The following BBS4 variants were observed in gnomAD, a reference collection of about 807,000 sequenced individuals.
The protein encoded by BBS4 is BBSome complex member BBS4.
In BBS4, 58 loss-of-function variants were observed where a neutral mutation model predicts 71.4. The ratio of observed to expected loss-of-function variants is 0.81; its 90% CI spans 0.66 to 1.01. BBS4 has a LOEUF of 1.01. Ranked by LOEUF, BBS4 falls within the 50% of genes least tolerant of loss-of-function variation. BBS4 has a pLI of 0.00. For synonymous variants in BBS4, 228 were observed against 216.8 expected, an observed-to-expected ratio of 1.05 and a Z score of -0.46; for missense variants, 660 against 607.9, an observed-to-expected ratio of 1.09 and a Z score of -0.90.
At chr15:72,735,353 C>T in intron 13 of BBS4, 171 bp downstream of exon 13, 1 of 661,660 alleles carries the variant, frequency 1.5e-6, no homozygotes, top group Non-Finnish European at 2.8e-6. Context: ...TGTGGTGGCT[C>T]AGCAGGAATT....
At chr15:72,715,431 G>T (rs1567415361) in intron 5 of BBS4, 29 bp downstream of exon 5, 1 of 1,476,784 alleles carries the variant, frequency 6.8e-7, no homozygotes. Context: ...GAGGCCCTAG[G>T]GCACTCACAG....
chr15:72,722,745 T>TA lies in BBS4; in HGVS notation c.406-48dup, dbSNP rs777754926. On this transcript the variant is annotated intron_variant, in intron 6 of 15. Coordinates refer to ENST00000268057, the MANE Select transcript of BBS4 (RefSeq NM_033028.5). ...ATGTCTGTTGTTTCACTCTAATACT[T>TA]ACTGTGGAATTACACCTGAGTTGTT... 2.0e-6 allele frequency: 3 copies of TA among 1,535,976 alleles called. No homozygotes were observed. The African/African-American group carries it at 4.1e-5, about 21-fold the overall frequency.
intron 3 of BBS4, among the ~76,000 whole-genome samples, chr15:72,710,789 GTTTT>G (rs778363835): frequency 2.7e-5 from 4 of 146,600 alleles, no homozygotes; most frequent in African/African-American, 1.0e-4. Context: ...ATTCATACCA[GTTTT>G]TTTTTTTCTT....
intron 2 of BBS4, among the ~76,000 whole-genome samples, chr15:72,703,103 G>A (rs1567405504): frequency 2.0e-5 from 3 of 152,172 alleles, no homozygotes; most frequent in South Asian, 2.1e-4. Context: ...GAGCCATCGC[G>A]CCCGGCCGAG....
chr15:72,729,798 T>C (rs2065776619), intron 10 of BBS4, 114 bp downstream of exon 10: 2 of 843,272 alleles, frequency 2.4e-6, no homozygotes, highest in Non-Finnish European at 2.0e-6. Flanking sequence ...ACCTGAGAAA[T>C]AGAAAAAATA....
intron 13 of BBS4, 94 bp downstream of exon 13, chr15:72,735,276 C>A: frequency 1.1e-6 from 1 of 935,068 alleles, no homozygotes; most frequent in Non-Finnish European, 1.7e-6. Flanking sequence ...CCTGTGTCAG[C>A]CCAGCTGTTC....
intron 2 of BBS4, among the ~76,000 whole-genome samples, chr15:72,706,560 G>A (rs2065267949): frequency 2.0e-5 from 3 of 152,120 alleles, no homozygotes; most frequent in Admixed American, 2.0e-4. Flanking sequence ...GGATGTGAAT[G>A]GCTAAGGTCT....
chr15:72,710,824 C>G (rs2065355690), intron 3 of BBS4, among the ~76,000 whole-genome samples: 1 of 151,044 alleles, frequency 6.6e-6, no homozygotes, highest in Non-Finnish European at 1.5e-5. Context: ...GAGTTTTGCT[C>G]TTATTGCCCA....
At chr15:72,724,050 A>AAT (rs1478075860) in intron 7 of BBS4, among the ~76,000 whole-genome samples, 1 of 152,230 alleles carries the variant, frequency 6.6e-6, no homozygotes, top group Non-Finnish European at 1.5e-5. Context: ...TATAAACTCA[A>AAT]ATATATTTAG....
At position 72,731,304 on chromosome 15, in the gene BBS4, G is replaced by A. The variant is rs377031435; in HGVS notation, c.712-1G>A. ...TGACTTTCTCTGTGCCATGTTTTCA[G>A]GCCATCTTGGCAGCAGGCAGCATGA... is the stretch of plus-strand genomic sequence containing the variant. On this transcript the variant is annotated splice_acceptor_variant, in intron 10 of 15. Transcript: ENST00000268057. LOFTEE classifies it high-confidence loss of function. The A allele has an allele frequency of 5.1e-5, 82 of 1,613,850 alleles. No individual in the cohort carries two copies. The highest frequency in any genetic ancestry group is 6.7e-5 in the Non-Finnish European group (79 of 1,179,988).
intron 6 of BBS4, among the ~76,000 whole-genome samples, chr15:72,719,192 C>G (rs559149401): frequency 3.6e-4 from 55 of 151,692 alleles, no homozygotes; most frequent in African/African-American, 1.1e-3. Context: ...ACCATACAGG[C>G]CAGGGAGGAG....
rs1310515137 is a variant in BBS4, at chr15:72,737,831, C to G, written c.*244C>G. ...AAAGAGAACACAGTTCCTTTAAGAACTGGCAGCAAGGCTTGAGGCCTTATG... is the reference window on the plus strand; with the variant it reads ...AAAGAGAACACAGTTCCTTTAAGAAGTGGCAGCAAGGCTTGAGGCCTTATG... On this transcript the variant is annotated 3_prime_UTR_variant, in exon 16 of 16. Transcript: ENST00000268057. The G allele has an allele frequency of 1.9e-6, 1 of 525,898 alleles. No homozygotes were observed. Among genetic ancestry groups the G allele is most frequent in the Non-Finnish European group, 3.7e-6 (1 of 273,636 alleles). 32.6% of individuals were successfully genotyped at this position (525,898 alleles called of 1,614,324 possible).
chr15:72,714,465 A>T (rs1217767190), intron 4 of BBS4, among the ~76,000 whole-genome samples: 4 of 152,100 alleles, frequency 2.6e-5, no homozygotes, highest in Non-Finnish European at 5.9e-5. Context: ...ACCTCAGGTG[A>T]TCCACCTGCC....
rs1362958776 is a variant in BBS4 at position 72,731,605 on chromosome 15, G to A, written c.915G>A (p.Lys305=). ...RANYLAPFDW[K]ILYNLGLVHL... ...ACTACTTGGCACCCTTTGATTGGAA[G>A]ATTCTGTATAATTTGGGCCTTGTCC... The change falls in exon 12 of 16, where the codon AAG becomes AAA. Residue 305 remains lysine, a synonymous_variant. Coordinates refer to ENST00000268057, the MANE Select transcript of BBS4 (RefSeq NM_033028.5). 1 of 1,614,068 alleles carries A rather than the reference G, an allele frequency of 6.2e-7. No homozygotes were observed. The highest frequency in any genetic ancestry group is 1.3e-5 in the African/African-American group (1 of 74,926).
intron 2 of BBS4, among the ~76,000 whole-genome samples, chr15:72,705,822 T>C (rs1159041873): frequency 2.0e-5 from 3 of 151,986 alleles, no homozygotes; most frequent in African/African-American, 7.2e-5. Context: ...TGGACTCAAG[T>C]GATCCGTCCA....
chr15:72,722,959 A>T, intron 7 of BBS4, 112 bp downstream of exon 7: 1 of 871,098 alleles, frequency 1.1e-6, no homozygotes, highest in Non-Finnish European at 1.9e-6. Flanking sequence ...TGGAACTGAA[A>T]ATTGAAAGTA....
chr15:72,737,558 G>C lies in BBS4; in HGVS notation c.1531G>C (p.Glu511Gln), dbSNP rs896259173. ...GCCTGCGGTGGAATCAAGTCCAACT[G>C]AAACATCAGAACAAATAAGAGAGAA... ...PEPAVESSPT[E>Q]TSEQIREK Residue 511 changes from glutamate (E) to glutamine (Q), a missense_variant, in exon 16 of 16, where the codon GAA (glutamate) becomes CAA (glutamine). Coordinates refer to ENST00000268057, the MANE Select transcript of BBS4 (RefSeq NM_033028.5). The C allele has an allele frequency of 1.2e-6, 2 of 1,610,900 alleles. No homozygotes were observed.
intron 3 of BBS4, 151 bp downstream of exon 3, chr15:72,709,930 A>G (rs530151644): frequency 2.4e-4 from 171 of 711,588 alleles, no homozygotes; most frequent in African/African-American, 1.8e-3. Context: ...ATCTTTTGCT[A>G]TGGTAGTGAT....
chr15:72,735,776 A>G (rs1231588721), intron 13 of BBS4, 49 bp from the exon 14 acceptor site: 2 of 1,612,052 alleles, frequency 1.2e-6, no homozygotes, highest in South Asian at 2.2e-5. Context: ...TCTCTAAATG[A>G]CCATTTGTTG....
Sources: allele counts gnomAD v4.1 joint callset (sites outside exome capture counted in the v4.1 genomes callset), GRCh38; gene constraint gnomAD v4.1.1; transcripts MANE v1.5; gene names NCBI Gene and HGNC (gene_info 2026-07-23, HGNC 2026-07-21).